MUC17: variants seen among roughly 807,000 people sequenced by gnomAD.
The protein encoded by MUC17 is mucin 17, cell surface associated, also known as mucin-17.
In MUC17, 190 loss-of-function variants were observed where a neutral mutation model predicts 170.3. That is an observed-to-expected ratio of 1.12 (90% CI 0.99 to 1.26). The LOEUF is 1.26. Ranked by LOEUF, MUC17 falls within the 50% of genes most tolerant of loss-of-function variation. MUC17 has a pLI of 0.00. For missense variants in MUC17, 6,415 were observed against 5,530.0 expected, an observed-to-expected ratio of 1.16 and a Z score of -5.08; for synonymous variants, 2,325 against 2,002.5, an observed-to-expected ratio of 1.16 and a Z score of -4.30.
chr7:101,028,543 C>T (rs2116397858), intron 1 of MUC17, among the ~76,000 whole-genome samples: 1 of 151,966 alleles, frequency 6.6e-6, no homozygotes, highest in Middle Eastern at 3.4e-3. Context: ...ACACATTTTT[C>T]CATGTTTCTA....
chr7:101,020,269 G>T (rs1794048255), intron 1 of MUC17, 52 bp downstream of exon 1: 1 of 1,490,466 alleles, frequency 6.7e-7, no homozygotes. Context: ...CCAGGGGCCA[G>T]CCTGCTCTGT....
Position 101,045,011 on chromosome 7 carries a change from A to G in MUC17, c.12403+1192A>G, listed in dbSNP as rs143846850. Among the ~76,000 whole-genome samples, 285 of 152,302 alleles carry G rather than the reference A, an allele frequency of 1.9e-3. 1 individual carries two copies. The highest frequency in any genetic ancestry group is 6.6e-3 in the African/African-American group (273 of 41,564). ...ATCCCCTTCCTTTCTCTGACTCAAGAACTTTCACTCAGCCTTCTTCTCTCT... is the reference window on the plus strand; with the variant it reads ...ATCCCCTTCCTTTCTCTGACTCAAGGACTTTCACTCAGCCTTCTTCTCTCT... On this transcript the variant is annotated intron_variant, in intron 3 of 12. Transcript: ENST00000306151.
chr7:101,050,294 G>T (rs7806980), intron 6 of MUC17, among the ~76,000 whole-genome samples, 190 bp from the exon 7 acceptor site: 46,885 of 151,948 alleles, frequency 0.31, 7,525 homozygotes, highest in East Asian at 0.58. Context: ...GGGGCCCAGC[G>T]CAGTGTGTAG....
chr7:101,042,743 T>A lies in MUC17; in HGVS notation c.11327T>A (p.Ile3776Lys). 1 of 1,613,952 alleles carries A rather than the reference T, an allele frequency of 6.2e-7. No individual in the cohort carries two copies. Among genetic ancestry groups the A allele is most frequent in the Non-Finnish European group, 8.5e-7 (1 of 1,180,004 alleles). ...TRFPESSTPS[I>K]PSVYTSMSMT... ...TTTCCTGAGAGTAGCACCCCTTCCATACCATCTGTTTACACCAGCATGTCT... is the reference window on the plus strand; with the variant it reads ...TTTCCTGAGAGTAGCACCCCTTCCAAACCATCTGTTTACACCAGCATGTCT... Residue 3776 changes from isoleucine to lysine, a missense_variant, in exon 3 of 13, where the codon ATA (isoleucine) becomes AAA (lysine). Transcript: ENST00000306151.
In MUC17 at chr7:101,050,535, A is replaced by G. The variant is rs187693793; in HGVS notation, c.12774A>G (p.Thr4258=). The change falls in exon 7 of 13, where the codon ACA becomes ACG. Residue 4258 remains threonine, a synonymous_variant. Transcript: ENST00000306151. ...ACGTCCTCCTAAGAACCAAGTACAC[A>G]CCAGAATACAAGACAGTATTGGACA... ...EHDVLLRTKY[T]PEYKTVLDNA... 3.0e-5 allele frequency: 48 copies of G among 1,614,166 alleles called. No homozygotes were observed. The highest frequency in any genetic ancestry group is 4.0e-5 in the Non-Finnish European group (47 of 1,180,012).
At position 101,020,088 on chromosome 7, in the gene MUC17, C is replaced by G; in HGVS notation, c.-48C>G. 6.6e-7 allele frequency: 1 copy of G among 1,523,296 alleles called. No individual in the cohort carries two copies. Among genetic ancestry groups the G allele is most frequent in the Non-Finnish European group, 8.9e-7 (1 of 1,127,462 alleles). The allele number at this position is 1,523,296 out of a possible 1,614,324, so 94.4% of individuals were successfully genotyped here. ...GTTTCCTTCTCTGAGGCTCATTTCG[C>G]CAGCTCCTCTGGGGGTGACAGGCAA... On this transcript the variant is annotated 5_prime_UTR_variant, in exon 1 of 13. Transcript: ENST00000306151.
chr7:101,032,193 T>C lies in MUC17; in HGVS notation c.777T>C (p.Thr259=). The C allele has an allele frequency of 6.2e-7, 1 of 1,614,168 alleles. No homozygotes were observed. Among genetic ancestry groups the C allele is most frequent in the Non-Finnish European group, 8.5e-7 (1 of 1,180,022 alleles). Residue 259 remains threonine, a synonymous_variant, in exon 3 of 13, where the codon ACT becomes ACC. Transcript: ENST00000306151. The part of the protein sequence containing the change: ...ISAQASSSPT[T]AEGPSLSNSA... The stretch of plus-strand genomic sequence containing the variant: ...CTCAAGCCAGTTCATCTCCTACAAC[T>C]GCTGAAGGTCCCAGCCTGTCAAACT...
rs754826660 is a variant in MUC17, at chr7:101,036,870, G to A, written c.5454G>A (p.Thr1818=). The change falls in exon 3 of 13, where the codon ACG becomes ACA. Residue 1818 remains threonine, a synonymous_variant. Transcript: ENST00000306151. ...TPLTSTPVSH[T]LVANSEASTL... ...TAACAAGCACACCTGTCAGCCACAC[G>A]CTGGTGGCCAATTCTGAGGCTAGCA... 6.2e-7 allele frequency: 1 copy of A among 1,607,998 alleles called. No individual in the cohort carries two copies. The highest frequency in any genetic ancestry group is 8.5e-7 in the Non-Finnish European group (1 of 1,177,564).
Position 101,036,839 on chromosome 7 carries a change from C to T in MUC17, c.5423C>T (p.Thr1808Ile), listed in dbSNP as rs147991653. 3 of 1,601,088 alleles carry T rather than the reference C, an allele frequency of 1.9e-6. No homozygotes were observed. Among genetic ancestry groups the T allele is most frequent in the African/African-American group, 1.4e-5 (1 of 72,714 alleles). ...ACCTCGACTCTTAGTGAAGGAATGA[C>T]TCCATTAACAAGCACACCTGTCAGC... ...IPTSTLSEGM[T>I]PLTSTPVSHT... Residue 1808 changes from threonine to isoleucine, a missense_variant, in exon 3 of 13, where the codon ACT becomes ATT. By Grantham distance (89) the Thr-to-Ile change is moderately conservative (BLOSUM62 -1). Transcript: ENST00000306151.
At chr7:101,050,227 A>T (rs1295650472) in intron 6 of MUC17, among the ~76,000 whole-genome samples, 1 of 151,572 alleles carries the variant, frequency 6.6e-6, no homozygotes, top group African/African-American at 2.4e-5. Flanking sequence ...CCTACCAGAG[A>T]CTCCCTTTGT....
At chr7:101,026,886 T>C (rs889901175) in intron 1 of MUC17, among the ~76,000 whole-genome samples, 1 of 152,202 alleles carries the variant, frequency 6.6e-6, no homozygotes, top group African/African-American at 2.4e-5. Flanking sequence ...AGCTAATTTT[T>C]TTTATTTTTA....
intron 11 of MUC17, among the ~76,000 whole-genome samples, chr7:101,055,125 G>GAGT (rs771004134): frequency 6.6e-6 from 1 of 152,084 alleles, no homozygotes; most frequent in Non-Finnish European, 1.5e-5. Context: ...GGAGGAGGAG[G>GAGT]AGGAAGGGGA....
chr7:101,026,034 T>G (rs574280830), intron 1 of MUC17, among the ~76,000 whole-genome samples: 8 of 152,230 alleles, frequency 5.3e-5, no homozygotes, highest in Non-Finnish European at 1.2e-4. Context: ...GAGTGCTTGC[T>G]GTGTGTGGTG....
At chr7:101,029,610 A>ATTT (rs1794241893) in intron 1 of MUC17, among the ~76,000 whole-genome samples, 1 of 151,276 alleles carries the variant, frequency 6.6e-6, no homozygotes, top group African/African-American at 2.4e-5. Flanking sequence ...TATTATTATT[A>ATTT]TTTTTTGAGA....
chr7:101,056,421 A>G (rs907896866), intron 12 of MUC17, 151 bp downstream of exon 12: 9 of 1,291,794 alleles, frequency 7.0e-6, no homozygotes, highest in Non-Finnish European at 7.2e-6. Context: ...GCCAGGAAAC[A>G]AGCCTAACTC....
Position 101,034,307 on chromosome 7 carries a change from C to T in MUC17, c.2891C>T (p.Ser964Phe). The change falls in exon 3 of 13, where the codon TCT (serine) becomes TTT (phenylalanine). Residue 964 changes from serine to phenylalanine, a missense_variant. Ser to Phe is a radical substitution (Grantham distance 155). Transcript: ENST00000306151. ...ACCACTTCTACTGAAGCCACTTCATCTCCTACAACTGCTGAAGGTACCAGC... is the reference window on the plus strand; with the variant it reads ...ACCACTTCTACTGAAGCCACTTCATTTCCTACAACTGCTGAAGGTACCAGC... ...PVTTSTEATS[S>F]PTTAEGTSIP... 1.2e-6 allele frequency: 2 copies of T among 1,610,204 alleles called. No individual in the cohort carries two copies. Among genetic ancestry groups the T allele is most frequent in the East Asian group, 4.5e-5 (2 of 44,238 alleles).
In MUC17 at chr7:101,032,224, C is replaced by A. The variant is rs752641866; in HGVS notation, c.808C>A (p.Pro270Thr). ...AEGPSLSNSA[P>T]SGGSTPLTRM... ...AGGTCCCAGCCTGTCAAACTCAGCT[C>A]CTAGTGGAGGAAGCACTCCATTAAC... The change falls in exon 3 of 13, where the codon CCT becomes ACT. Residue 270 changes from proline (P) to threonine (T), a missense_variant. Physicochemically the swap from Pro to Thr is conservative, Grantham distance 38 (BLOSUM62 -1). Coordinates refer to ENST00000306151, the MANE Select transcript of MUC17 (RefSeq NM_001040105.2). 6.2e-7 allele frequency: 1 copy of A among 1,614,106 alleles called. No homozygotes were observed. Among genetic ancestry groups the A allele is most frequent in the South Asian group, 1.1e-5 (1 of 91,076 alleles).
At chr7:101,057,507 C>T (rs1015829521) in intron 12 of MUC17, among the ~76,000 whole-genome samples, 1 of 152,162 alleles carries the variant, frequency 6.6e-6, no homozygotes, top group African/African-American at 2.4e-5. Context: ...CTTCGTGAGG[C>T]CAAGGCAGGA....
intron 11 of MUC17, 176 bp downstream of exon 11, chr7:101,053,612 A>G: frequency 2.0e-6 from 1 of 509,302 alleles, no homozygotes; most frequent in Non-Finnish European, 3.4e-6. Context: ...CTCTTAAAAA[A>G]AAATAAAAAA....
Sources: gnomAD v4.1 joint callset for allele counts (sites outside exome capture counted in the v4.1 genomes callset) on GRCh38, gnomAD v4.1.1 for gene constraint, MANE v1.5 for transcripts, NCBI Gene and HGNC (gene_info 2026-07-23, HGNC 2026-07-21) for gene names.